MCOLN1: variants seen among roughly 807,000 people sequenced by gnomAD.
The protein encoded by MCOLN1 is mucolipin TRP cation channel 1, also known as mucolipin-1.
MCOLN1 carries 50 observed loss-of-function variants against 70.3 expected under a neutral mutation model. The ratio of observed to expected loss-of-function variants is 0.71; its 90% CI spans 0.57 to 0.90. The LOEUF is 0.90. Among genes scored for constraint, MCOLN1 ranks in the 40% least tolerant of loss-of-function variants. The pLI is 0.00. For missense variants in MCOLN1, 598 were observed against 803.5 expected, an observed-to-expected ratio of 0.74 and a Z score of 3.09; for synonymous variants, 366 against 341.0, an observed-to-expected ratio of 1.07 and a Z score of -0.81.
rs941670370 is a variant in MCOLN1 at position 7,527,145 on chromosome 19, C to T, written c.571+219C>T. On this transcript the variant is annotated intron_variant, in intron 4 of 13. Transcript: ENST00000264079. Reference sequence around the variant, plus strand: ...AAATTAGCTGGGCGTGGTGGCGTGCCCCTGTGGTCCCAGCTACTCAGGAGG... The same window carrying T: ...AAATTAGCTGGGCGTGGTGGCGTGCTCCTGTGGTCCCAGCTACTCAGGAGG... 14 of 639,522 alleles carry T rather than the reference C, an allele frequency of 2.2e-5. No individual in the cohort carries two copies. In the Admixed American group the frequency reaches 2.9e-4, roughly 13 times the overall value. 39.6% of individuals were successfully genotyped at this position (639,522 alleles called of 1,614,324 possible). A position where few individuals can be genotyped will look rare whatever the true frequency, so the allele number is the denominator to read the frequency against.
intron 5 of MCOLN1, 49 bp from the exon 6 acceptor site, chr19:7,527,815 G>A (rs377168745): frequency 1.3e-4 from 188 of 1,470,950 alleles, no homozygotes; most frequent in African/African-American, 1.0e-3. Context: ...ACTTGGGGCC[G>A]GAAGGGACCC....
In MCOLN1 at chr19:7,524,802, A is replaced by G. The variant is rs1215523378; in HGVS notation, c.32-159A>G. 2.0e-5 allele frequency among the ~76,000 whole-genome samples: 3 copies of G among 152,152 alleles called. No homozygotes were observed. Among genetic ancestry groups the G allele is most frequent in the East Asian group, 1.9e-4 (1 of 5,158 alleles). On this transcript the variant is annotated intron_variant, in intron 1 of 13. Coordinates refer to ENST00000264079, the MANE Select transcript of MCOLN1 (RefSeq NM_020533.3). This position sits in a 1 kb window ranked among gnomAD's most constrained non-coding sequence, Gnocchi z 4.1. ...CAGGACGGGTGCATAGATACCTACA[A>G]TGTCACAGGTTTTCTGGTTTTCTTT... is the stretch of plus-strand genomic sequence containing the variant.
intron 11 of MCOLN1, 143 bp from the exon 12 acceptor site, chr19:7,530,143 G>A: frequency 1.3e-6 from 1 of 791,348 alleles, no homozygotes; most frequent in Non-Finnish European, 2.2e-6. Context: ...CCATTCACAT[G>A]GTGACCGCAG....
At position 7,525,260 on chromosome 19, in the gene MCOLN1, G is replaced by A. The variant is rs1363160666; in HGVS notation, c.237+94G>A. On this transcript the variant is annotated intron_variant, in intron 2 of 13. Transcript: ENST00000264079. This position sits in a 1 kb window ranked among gnomAD's most constrained non-coding sequence, Gnocchi z 4.2. ...TTAAAGCAGCACTTTGGAAGGCCGA[G>A]GCCGGTGGATCGCTTGAGGCTGGGA... 1 of 1,173,496 alleles carries A rather than the reference G, an allele frequency of 8.5e-7. No homozygotes were observed. Among genetic ancestry groups the A allele is most frequent in the South Asian group, 1.3e-5 (1 of 79,814 alleles). 72.7% of individuals were successfully genotyped at this position (1,173,496 alleles called of 1,614,324 possible). A position where few individuals can be genotyped will look rare whatever the true frequency, so the allele number is the denominator to read the frequency against.
rs115612232 is a variant in MCOLN1, at chr19:7,523,359, C to T, written c.31+578C>T. Among the ~76,000 whole-genome samples the T allele has an allele frequency of 6.4e-3, 978 of 152,358 alleles. 11 individuals carry two copies. The highest frequency in any genetic ancestry group is 0.022 in the African/African-American group (930 of 41,586). ...GGAAGACCCCTTGTGTTAGCTTCCCCTTCTGGAGCTAGCTGGGGACCCCTA... is the reference window on the plus strand; with the variant it reads ...GGAAGACCCCTTGTGTTAGCTTCCCTTTCTGGAGCTAGCTGGGGACCCCTA... On this transcript the variant is annotated intron_variant, in intron 1 of 13. Coordinates refer to ENST00000264079, the MANE Select transcript of MCOLN1 (RefSeq NM_020533.3).
At position 7,529,688 on chromosome 19, in the gene MCOLN1, C is replaced by T. The variant is rs764352100; in HGVS notation, c.1335C>T (p.Ile445=). 8.7e-6 allele frequency: 14 copies of T among 1,614,156 alleles called. No homozygotes were observed. Among genetic ancestry groups the T allele is most frequent in the East Asian group, 4.5e-5 (2 of 44,874 alleles). The change falls in exon 11 of 14, where the codon ATC becomes ATT. Residue 445 remains isoleucine (I), a synonymous_variant. Coordinates refer to ENST00000264079, the MANE Select transcript of MCOLN1 (RefSeq NM_020533.3). ...IYLGYCFCGW[I]VLGPYHVKFR... is the part of the protein sequence containing the mutation. ...TGGGCTACTGCTTCTGTGGCTGGAT[C>T]GTGCTGGGGCCCTATCATGTGAAGG...
rs1231120047 is a variant in MCOLN1, at chr19:7,533,275, AGGTGCTG to A, written c.1576-246_1576-240del. 66 of 591,450 alleles carry A rather than the reference AGGTGCTG, an allele frequency of 1.1e-4. No individual in the cohort carries two copies. The African/African-American group carries it at 1.1e-3, about 10-fold the overall frequency. 36.6% of individuals were successfully genotyped at this position (591,450 alleles called of 1,614,324 possible). A position where few individuals can be genotyped will look rare whatever the true frequency, so the allele number is the denominator to read the frequency against. ...ATGTCAGCCCTGGCTCTAGGTCTGTAGGTGCTGGACCTACAGCAGAAGGCAAAGACAC... is the reference window on the plus strand; with the variant it reads ...ATGTCAGCCCTGGCTCTAGGTCTGTAGACCTACAGCAGAAGGCAAAGACAC... On this transcript the variant is annotated intron_variant, in intron 12 of 13. Transcript: ENST00000264079.
chr19:7,523,207 G>A (rs1218893138), intron 1 of MCOLN1, among the ~76,000 whole-genome samples: 2 of 152,238 alleles, frequency 1.3e-5, no homozygotes, highest in Admixed American at 6.5e-5. Flanking sequence ...GCTCAAGCCT[G>A]GAGAGCTGGA....
rs2022570861 is a variant in MCOLN1, at chr19:7,526,561, C to T, written c.360C>T (p.Tyr120=). ...SDGADDTFAA[Y]TREQLYQAIF... ...GAGCGGATGACACCTTCGCAGCCTACACGCGGGAGCAGCTGTACCAGGCCA... is the reference window on the plus strand; with the variant it reads ...GAGCGGATGACACCTTCGCAGCCTATACGCGGGAGCAGCTGTACCAGGCCA... The change falls in exon 3 of 14, where the codon TAC becomes TAT. Residue 120 remains tyrosine (Y), a synonymous_variant. Transcript: ENST00000264079. The surrounding 1 kb of genome is among the most constrained non-coding windows in gnomAD (Gnocchi z 4.6). 2.5e-6 allele frequency: 4 copies of T among 1,614,016 alleles called. No homozygotes were observed. The highest frequency in any genetic ancestry group is 3.4e-6 in the Non-Finnish European group (4 of 1,180,036).
rs1249452744 is a variant in MCOLN1, at chr19:7,528,202, C to T, written c.822C>T (p.Ser274=). Residue 274 remains serine (S), a synonymous_variant, in exon 7 of 14, where the codon AGC becomes AGT. Coordinates refer to ENST00000264079, the MANE Select transcript of MCOLN1 (RefSeq NM_020533.3). The surrounding 1 kb of genome is among the most constrained non-coding windows in gnomAD (Gnocchi z 4.2). ...CACACAGTGGGCGGATCCCCATCAG[C>T]CTGGAGACCCAGGCCCACATCCAGG... The part of the protein sequence containing the change: ...NKAHSGRIPI[S]LETQAHIQEC... The T allele has an allele frequency of 6.2e-7, 1 of 1,614,134 alleles. No individual in the cohort carries two copies. The highest frequency in any genetic ancestry group is 2.2e-5 in the East Asian group (1 of 44,880).
At position 7,533,519 on chromosome 19, in the gene MCOLN1, C is replaced by T. The variant is rs761220466; in HGVS notation, c.1576-4C>T. On this transcript the variant is annotated splice_polypyrimidine_tract_variant and splice_region_variant and intron_variant, in intron 12 of 13. Coordinates refer to ENST00000264079, the MANE Select transcript of MCOLN1 (RefSeq NM_020533.3). ...AGGCTGAGCCTCCCGGCTTCTCTCC[C>T]CAGCATCCCGGCGGCGCAGGCGCAG... is the stretch of plus-strand genomic sequence containing the variant. The T allele has an allele frequency of 1.9e-6, 3 of 1,610,738 alleles. No individual in the cohort carries two copies. The highest frequency in any genetic ancestry group is 2.2e-5 in the East Asian group (1 of 44,878).
In MCOLN1 at chr19:7,533,665, G is replaced by T. The variant is rs368870292; in HGVS notation, c.1706+12G>T. The T allele has an allele frequency of 1.3e-5, 21 of 1,613,818 alleles. No individual in the cohort carries two copies. Among genetic ancestry groups the T allele is most frequent in the Non-Finnish European group, 1.7e-5 (20 of 1,180,004 alleles). On this transcript the variant is annotated intron_variant, in intron 13 of 13. Transcript: ENST00000264079. ...TGCTGCTGCGGAAGGTTCGAGTCCC[G>T]GGTCTGGCACATTCAGATTGGAGGT...
chr19:7,528,071 A>G lies in MCOLN1; in HGVS notation c.778-87A>G, dbSNP rs1325249000. 2.6e-6 allele frequency: 4 copies of G among 1,535,116 alleles called. No homozygotes were observed. Among genetic ancestry groups the G allele is most frequent in the Non-Finnish European group, 3.6e-6 (4 of 1,108,714 alleles). On this transcript the variant is annotated intron_variant, in intron 6 of 13. Coordinates refer to ENST00000264079, the MANE Select transcript of MCOLN1 (RefSeq NM_020533.3). This position sits in a 1 kb window ranked among gnomAD's most constrained non-coding sequence, Gnocchi z 4.2. ...CAAGCGTGCGGGTGATGAGGGAGGG[A>G]GCCCGGGGTCTGTCAGGCCACCTGT...
chr19:7,526,417 A>G lies in MCOLN1; in HGVS notation c.238-22A>G. ...CCCAACCCCCATCCTAGCCATGCCA[A>G]CCTCTACTACCCTCTCCCCAGCTCA... On this transcript the variant is annotated intron_variant, in intron 2 of 13. Transcript: ENST00000264079. This position sits in a 1 kb window ranked among gnomAD's most constrained non-coding sequence, Gnocchi z 4.6. 1.2e-6 allele frequency: 2 copies of G among 1,614,074 alleles called. No individual in the cohort carries two copies. Among genetic ancestry groups the G allele is most frequent in the Non-Finnish European group, 1.7e-6 (2 of 1,179,968 alleles).
At position 7,528,860 on chromosome 19, in the gene MCOLN1, A is replaced by G; in HGVS notation, c.1024A>G (p.Ile342Val). The G allele has an allele frequency of 6.2e-7, 1 of 1,614,230 alleles. No individual in the cohort carries two copies. Among genetic ancestry groups the G allele is most frequent in the South Asian group, 1.1e-5 (1 of 91,090 alleles). The stretch of plus-strand genomic sequence containing the variant: ...CATGTGGCGGCAGCGGGGACGGGTC[A>G]TCAGCCTGTGGGAGCGGCTGGAATT... The part of the protein sequence containing the change: ...GFMWRQRGRV[I>V]SLWERLEFVN... Residue 342 changes from isoleucine to valine, a missense_variant, in exon 9 of 14, where the codon ATC (isoleucine) becomes GTC (valine). Around this residue, in one of 3 missense-constraint regions of MCOLN1, gnomAD observed 461 missense variants for 588.4 expected, o/e 0.78. Coordinates refer to ENST00000264079, the MANE Select transcript of MCOLN1 (RefSeq NM_020533.3). The surrounding 1 kb of genome is among the most constrained non-coding windows in gnomAD (Gnocchi z 4.2).
At position 7,528,561 on chromosome 19, in the gene MCOLN1, C is replaced by A. The variant is rs770615512; in HGVS notation, c.878-36C>A. On this transcript the variant is annotated intron_variant, in intron 7 of 13. Coordinates refer to ENST00000264079, the MANE Select transcript of MCOLN1 (RefSeq NM_020533.3). This position sits in a 1 kb window ranked among gnomAD's most constrained non-coding sequence, Gnocchi z 4.2. The stretch of plus-strand genomic sequence containing the variant: ...AATGCTAGCCTCCCAAGGCTCCATG[C>A]CATCCTTGGCCCTACCCGCTCTGCC... The A allele has an allele frequency of 1.9e-6, 3 of 1,613,030 alleles. No homozygotes were observed. The highest frequency in any genetic ancestry group is 2.5e-6 in the Non-Finnish European group (3 of 1,179,762).
At chr19:7,527,299 G>C in intron 4 of MCOLN1, 1 of 465,304 alleles carries the variant, frequency 2.1e-6, no homozygotes. Flanking sequence ...AAAAAAACAA[G>C]TATGCTTAGT....
Position 7,533,840 on chromosome 19 carries a change from C to A in MCOLN1, c.*45C>A, listed in dbSNP as rs143176884. The A allele has an allele frequency of 4.7e-4, 749 of 1,603,068 alleles. 10 individuals are homozygous for A. The African/African-American group carries it at 8.6e-3, about 18-fold the overall frequency. The stretch of plus-strand genomic sequence containing the variant: ...GACCGTAGGCCCTGGACTGCAGAGA[C>A]CCCCGCCCCCGACCCCGCTTATTTA... On this transcript the variant is annotated 3_prime_UTR_variant, in exon 14 of 14. Coordinates refer to ENST00000264079, the MANE Select transcript of MCOLN1 (RefSeq NM_020533.3).
intron 11 of MCOLN1, among the ~76,000 whole-genome samples, 182 bp downstream of exon 11, chr19:7,529,894 C>T (rs189691090): frequency 2.0e-5 from 3 of 152,326 alleles, no homozygotes; most frequent in Admixed American, 2.0e-4. Flanking sequence ...CCTATTTCGA[C>T]CTGAATTACT....
Sources: gnomAD v4.1 joint callset for allele counts (sites outside exome capture counted in the v4.1 genomes callset) on GRCh38, gnomAD v4.1.1 for gene constraint, gnomAD v4.1.1 regional missense constraint, Gnocchi (gnomAD v3.1) non-coding constraint, MANE v1.5 for transcripts, NCBI Gene and HGNC (gene_info 2026-07-23, HGNC 2026-07-21) for gene names.